The following ROBO1 variants were observed in gnomAD, a reference collection of about 807,000 sequenced individuals.
ROBO1 encodes roundabout guidance receptor 1.
In ROBO1, 149 loss-of-function variants were observed where a neutral mutation model predicts 195.9. That is an observed-to-expected ratio of 0.76 (90% CI 0.67 to 0.87). ROBO1 has a LOEUF of 0.87. Among genes scored for constraint, ROBO1 ranks in the 40% least tolerant of loss-of-function variants. The pLI is 0.00. For synonymous variants in ROBO1, 816 were observed against 733.2 expected, an observed-to-expected ratio of 1.11 and a Z score of -1.82; for missense variants, 1,933 against 2,068.3, an observed-to-expected ratio of 0.93 and a Z score of 1.27.
chr3:78,600,396 G>A, intron 29 of ROBO1, 87 bp from the exon 30 acceptor site: 1 of 840,790 alleles, frequency 1.2e-6, no homozygotes. Context: ...CTGTAATTCT[G>A]AATAAGGAAG....
intron 4 of ROBO1, among the ~76,000 whole-genome samples, chr3:78,842,533 T>TTATATATATGAGCCATATATATTTA (rs2033326640): frequency 8.7e-6 from 1 of 114,466 alleles, no homozygotes; most frequent in African/African-American, 3.3e-5. Context: ...ATATATATTT[T>TTATATATATGAGCCATATATATTTA]TATATATATG....
chr3:79,471,435 A>G (rs1285003902), intron 2 of ROBO1, among the ~76,000 whole-genome samples: 1 of 152,164 alleles, frequency 6.6e-6, no homozygotes, highest in Non-Finnish European at 1.5e-5. Context: ...ATTTCTATCA[A>G]TATCAGATAT....
intron 2 of ROBO1, among the ~76,000 whole-genome samples, chr3:79,134,804 C>T (rs1230582969): frequency 3.1e-4 from 29 of 93,464 alleles, no homozygotes; most frequent in Non-Finnish European, 4.8e-4. Flanking sequence ...AACCAAACAC[C>T]GCATATTCTC....
At chr3:78,940,184 T>C (rs1413022057) in intron 3 of ROBO1, among the ~76,000 whole-genome samples, 1 of 152,016 alleles carries the variant, frequency 6.6e-6, no homozygotes, top group Non-Finnish European at 1.5e-5. Flanking sequence ...CCTCTCTTTC[T>C]GTCCCCTAGT....
At chr3:79,316,006 T>A (rs1308030671) in intron 2 of ROBO1, among the ~76,000 whole-genome samples, 1 of 152,180 alleles carries the variant, frequency 6.6e-6, no homozygotes, top group African/African-American at 2.4e-5. Context: ...TCCACTATAA[T>A]AACTGTACTT....
At chr3:79,653,806 C>A (rs1162248517) in intron 1 of ROBO1, among the ~76,000 whole-genome samples, 1 of 151,934 alleles carries the variant, frequency 6.6e-6, no homozygotes, top group Non-Finnish European at 1.5e-5. Flanking sequence ...TGAAATGAAT[C>A]TCTAGTTCTA....
chr3:79,027,870 T>C (rs2078228602), intron 3 of ROBO1, among the ~76,000 whole-genome samples: 1 of 152,052 alleles, frequency 6.6e-6, no homozygotes, highest in Non-Finnish European at 1.5e-5. Flanking sequence ...TTCAGTTATG[T>C]ATCATATGTG....
chr3:79,184,700 T>A (rs759257785), intron 2 of ROBO1, among the ~76,000 whole-genome samples: 1 of 152,102 alleles, frequency 6.6e-6, no homozygotes, highest in Admixed American at 6.6e-5. Context: ...AGGAAAGGAA[T>A]CTCTCTGGTC....
At chr3:78,715,471 C>G (rs959589271) in intron 7 of ROBO1, among the ~76,000 whole-genome samples, 2 of 152,118 alleles carry the variant, frequency 1.3e-5, no homozygotes, top group African/African-American at 4.8e-5. Context: ...AAATCGTGTC[C>G]CTGCCACTAG....
chr3:78,782,999 T>C (rs2083724611), intron 4 of ROBO1, among the ~76,000 whole-genome samples: 2 of 152,214 alleles, frequency 1.3e-5, no homozygotes, highest in South Asian at 4.1e-4. Context: ...ACTGTGAAAG[T>C]AACAATGAAA....
At chr3:79,076,389 G>C (rs903299516) in intron 3 of ROBO1, among the ~76,000 whole-genome samples, 8 of 150,414 alleles carry the variant, frequency 5.3e-5, no homozygotes, top group Non-Finnish European at 1.0e-4. Context: ...CAGAAAAAAA[G>C]AGACTTAAAT....
At chr3:78,637,201 T>C (rs1705575931) in intron 22 of ROBO1, among the ~76,000 whole-genome samples, 1 of 151,996 alleles carries the variant, frequency 6.6e-6, no homozygotes, top group Non-Finnish European at 1.5e-5. Context: ...AAGATGTAAA[T>C]GTGAATATAA....
At chr3:79,741,929 G>C (rs147069403) in intron 1 of ROBO1, among the ~76,000 whole-genome samples, 1 of 152,154 alleles carries the variant, frequency 6.6e-6, no homozygotes, top group African/African-American at 2.4e-5. Context: ...GTGAAACTTT[G>C]AACTTGCAAG....
intron 3 of ROBO1, among the ~76,000 whole-genome samples, chr3:79,058,456 A>G (rs2078854104): frequency 6.6e-6 from 1 of 152,000 alleles, no homozygotes; most frequent in Non-Finnish European, 1.5e-5. Flanking sequence ...AACTTTGGAC[A>G]TTGGCTATTG....
At chr3:78,805,915 TA>T (rs1345045925) in intron 4 of ROBO1, among the ~76,000 whole-genome samples, 1 of 152,152 alleles carries the variant, frequency 6.6e-6, no homozygotes, top group Non-Finnish European at 1.5e-5. Context: ...ATTACACTTA[TA>T]AAAATTCTCA....
chr3:79,349,299 G>T (rs1033181566), intron 2 of ROBO1, among the ~76,000 whole-genome samples: 9 of 152,078 alleles, frequency 5.9e-5, no homozygotes. Flanking sequence ...TTAGTTAAAA[G>T]AAATTAAAGA....
chr3:79,350,301 T>C (rs2035289063), intron 2 of ROBO1, among the ~76,000 whole-genome samples: 2 of 152,188 alleles, frequency 1.3e-5, no homozygotes, highest in Admixed American at 1.3e-4. Flanking sequence ...CTATAGCATA[T>C]GTTGGTGAAG....
chr3:78,859,043 A>C (rs998301487), intron 4 of ROBO1, among the ~76,000 whole-genome samples: 5 of 152,154 alleles, frequency 3.3e-5, no homozygotes, highest in African/African-American at 1.2e-4. Context: ...TCTCTGTTGA[A>C]CTCTTGTCCT....
At chr3:78,693,269 G>T in intron 8 of ROBO1, 1 of 1,538,782 alleles carries the variant, frequency 6.5e-7, no homozygotes, top group East Asian at 2.5e-5. Context: ...ACATGGAAGG[G>T]TATGGATGGA....
Sources: allele counts gnomAD v4.1 joint callset (sites outside exome capture counted in the v4.1 genomes callset), GRCh38; gene constraint gnomAD v4.1.1; transcripts MANE v1.5; gene names NCBI Gene and HGNC (gene_info 2026-07-23, HGNC 2026-07-21).